Variants in BARX2 observed in about 807,000 individuals in gnomAD.
BARX2 encodes the protein BARX homeobox 2.
A neutral mutation model predicts 25.5 loss-of-function variants in BARX2; 11 were observed. That is an observed-to-expected ratio of 0.43 (90% CI 0.27 to 0.71). The LOEUF is 0.71. BARX2 is among the 30% of genes least tolerant of loss of function. BARX2 has a pLI of 0.19. For synonymous variants in BARX2, 137 were observed against 149.5 expected, an observed-to-expected ratio of 0.92 and a Z score of 0.61; for missense variants, 360 against 359.9, an observed-to-expected ratio of 1.00 and a Z score of 0.00.
At chr11:129,451,082 G>A (rs1231935292) in intron 3 of BARX2, 54 bp from the exon 4 acceptor site, 1 of 1,583,802 alleles carries the variant, frequency 6.3e-7, no homozygotes, top group African/African-American at 1.3e-5. Context: ...GGAGTGGAAA[G>A]GTGGAGGGAA....
intron 3 of BARX2, among the ~76,000 whole-genome samples, chr11:129,445,780 C>T (rs1405129779): frequency 6.6e-6 from 1 of 152,106 alleles, no homozygotes; most frequent in Non-Finnish European, 1.5e-5. Context: ...GCGGTCAGGG[C>T]AGCAGCAGGG....
chr11:129,444,099 C>T (rs1243077625), intron 3 of BARX2, among the ~76,000 whole-genome samples: 2 of 149,922 alleles, frequency 1.3e-5, no homozygotes, highest in African/African-American at 5.1e-5. Context: ...CTGCCAACCC[C>T]AGTTTTCAGG....
At chr11:129,409,165 T>C (rs570791011) in intron 1 of BARX2, among the ~76,000 whole-genome samples, 2 of 152,322 alleles carry the variant, frequency 1.3e-5, no homozygotes, top group Admixed American at 6.5e-5. Flanking sequence ...TGGAATAACT[T>C]CCCCACCTCT....
At chr11:129,445,514 AC>A (rs1290425335) in intron 3 of BARX2, among the ~76,000 whole-genome samples, 2 of 152,162 alleles carry the variant, frequency 1.3e-5, no homozygotes, top group Admixed American at 1.3e-4. Context: ...TGCCATGTAA[AC>A]CAAAATGGAA....
chr11:129,407,872 G>C (rs1288976756), intron 1 of BARX2, among the ~76,000 whole-genome samples: 1 of 151,996 alleles, frequency 6.6e-6, no homozygotes, highest in Non-Finnish European at 1.5e-5. Context: ...GATGGGGTCA[G>C]AGAAGCACCC....
chr11:129,423,279 G>A (rs1364212186), intron 1 of BARX2, among the ~76,000 whole-genome samples: 1 of 151,592 alleles, frequency 6.6e-6, no homozygotes, highest in African/African-American at 2.4e-5. Context: ...ACCACGCCCG[G>A]CTAATTTTTG....
chr11:129,437,549 A>T, intron 2 of BARX2: 1 of 978,504 alleles, frequency 1.0e-6, no homozygotes, highest in South Asian at 4.7e-5. Flanking sequence ...CAGACATGTT[A>T]GTGAATTTGC....
At chr11:129,415,095 C>T (rs1861930635) in intron 1 of BARX2, among the ~76,000 whole-genome samples, 2 of 147,410 alleles carry the variant, frequency 1.4e-5, no homozygotes, top group Admixed American at 6.9e-5. Flanking sequence ...GAATGATCCT[C>T]TCCTTTCCCC....
chr11:129,376,124 T>A lies in BARX2; in HGVS notation c.89T>A (p.Ile30Asn). The A allele has an allele frequency of 6.2e-7, 1 of 1,613,392 alleles. No homozygotes were observed. Among genetic ancestry groups the A allele is most frequent in the Non-Finnish European group, 8.5e-7 (1 of 1,179,698 alleles). Residue 30 changes from isoleucine to asparagine, a missense_variant, in exon 1 of 4, where the codon ATC (isoleucine) becomes AAC (asparagine). Coordinates refer to ENST00000281437, the MANE Select transcript of BARX2 (RefSeq NM_003658.5). This position sits in a 1 kb window ranked among gnomAD's most constrained non-coding sequence, Gnocchi z 4.2. Reference sequence around the variant, plus strand: ...TACAAGACTTTCATGATCGACGAGATCCTCTCCAAGGAGACCTGCGATTAC... The same window carrying A: ...TACAAGACTTTCATGATCGACGAGAACCTCTCCAAGGAGACCTGCGATTAC... The part of the protein sequence containing the change: ...RRYKTFMIDE[I>N]LSKETCDYFE...
chr11:129,434,690 T>C (rs1591445037), intron 1 of BARX2, among the ~76,000 whole-genome samples: 1 of 152,242 alleles, frequency 6.6e-6, no homozygotes, highest in African/African-American at 2.4e-5. Context: ...GCAGTGAATA[T>C]GCTTGTATAT....
intron 1 of BARX2, among the ~76,000 whole-genome samples, chr11:129,430,000 C>G (rs901565476): frequency 1.3e-5 from 2 of 152,040 alleles, no homozygotes; most frequent in Admixed American, 6.6e-5. Context: ...ACTTTCTCTT[C>G]CCCCACCATT....
chr11:129,408,904 A>G (rs1861859039), intron 1 of BARX2, among the ~76,000 whole-genome samples: 1 of 152,208 alleles, frequency 6.6e-6, no homozygotes, highest in Non-Finnish European at 1.5e-5. Context: ...TTATTACATG[A>G]GAAGGTTTCC....
intron 1 of BARX2, among the ~76,000 whole-genome samples, chr11:129,377,247 A>C (rs575373641): frequency 6.6e-6 from 1 of 152,350 alleles, no homozygotes; most frequent in Admixed American, 6.5e-5. Flanking sequence ...TGAAGGGCCA[A>C]CAGTTTTGGA....
At chr11:129,449,140 A>G (rs552996756) in intron 3 of BARX2, among the ~76,000 whole-genome samples, 7 of 152,306 alleles carry the variant, frequency 4.6e-5, no homozygotes, top group African/African-American at 9.6e-5. Context: ...ATAGTTGTAC[A>G]ATTCTGTGAC....
chr11:129,452,217 C>T lies in BARX2; in HGVS notation c.*815C>T, dbSNP rs1862411760. On this transcript the variant is annotated 3_prime_UTR_variant, in exon 4 of 4. Transcript: ENST00000281437. ...ATGGGTTAAGGTGCCATCCCTGAAA[C>T]TGCAATGCAGATATGTTCAGATAAC... 1 of 152,120 alleles carries T rather than the reference C, an allele frequency of 6.6e-6. No homozygotes were observed. Among genetic ancestry groups the T allele is most frequent in the Non-Finnish European group, 1.5e-5 (1 of 68,006 alleles). 9.4% of individuals were successfully genotyped at this position (152,120 alleles called of 1,614,324 possible). A position where few individuals can be genotyped will look rare whatever the true frequency, so the allele number is the denominator to read the frequency against.
At chr11:129,383,481 G>A (rs1339595495) in intron 1 of BARX2, among the ~76,000 whole-genome samples, 1 of 152,186 alleles carries the variant, frequency 6.6e-6, no homozygotes, top group African/African-American at 2.4e-5. Context: ...ACTAAGGAGA[G>A]ACTCTGGTTT....
intron 1 of BARX2, among the ~76,000 whole-genome samples, chr11:129,428,637 TC>T (rs1862093799): frequency 6.6e-6 from 1 of 152,172 alleles, no homozygotes; most frequent in South Asian, 2.1e-4. Flanking sequence ...ACTTTTCTGC[TC>T]CCCATGGGCT....
At chr11:129,428,856 C>T (rs894628717) in intron 1 of BARX2, among the ~76,000 whole-genome samples, 1 of 152,198 alleles carries the variant, frequency 6.6e-6, no homozygotes, top group Non-Finnish European at 1.5e-5. Context: ...TGTGTGTGCG[C>T]CTCCAACTTC....
chr11:129,390,296 C>G lies in BARX2; in HGVS notation c.187+14074C>G, dbSNP rs370615139. On this transcript the variant is annotated intron_variant, in intron 1 of 3. Transcript: ENST00000281437. The surrounding 1 kb of genome is among the most constrained non-coding windows in gnomAD (Gnocchi z 4.3). ...GGGATAAGACAGGTGGATGTGTCAT[C>G]ACCACTGAGACGGAGTGGCATGTAT... Among the ~76,000 whole-genome samples, 1 of 152,136 alleles carries G rather than the reference C, an allele frequency of 6.6e-6. No individual in the cohort carries two copies. The highest frequency in any genetic ancestry group is 2.4e-5 in the African/African-American group (1 of 41,444).
Sources: allele counts gnomAD v4.1 joint callset (sites outside exome capture counted in the v4.1 genomes callset), GRCh38; gene constraint gnomAD v4.1.1; non-coding constraint Gnocchi (gnomAD v3.1); transcripts MANE v1.5; gene names NCBI Gene and HGNC (gene_info 2026-07-23, HGNC 2026-07-21).